The following PRKCB variants were observed in gnomAD, a reference collection of about 807,000 sequenced individuals.
The protein encoded by PRKCB is protein kinase C beta type.
In PRKCB, 13 loss-of-function variants were observed where a neutral mutation model predicts 81.5. The observed-to-expected ratio is 0.16, with a 90% CI of 0.10 to 0.25. The LOEUF (loss-of-function observed/expected upper bound fraction) is 0.25. Among genes scored for constraint, PRKCB ranks in the 10% least tolerant of loss-of-function variants. The pLI, the probability that PRKCB is intolerant of heterozygous loss-of-function variation, is 1.00. For missense variants in PRKCB, 509 were observed against 875.7 expected, an observed-to-expected ratio of 0.58 and a Z score of 5.29; for synonymous variants, 335 against 321.4, an observed-to-expected ratio of 1.04 and a Z score of -0.45.
intron 3 of PRKCB, among the ~76,000 whole-genome samples, chr16:24,023,370 A>T (rs1965432078): frequency 2.0e-5 from 3 of 152,118 alleles, no homozygotes; most frequent in African/African-American, 7.2e-5. Context: ...CAGGACTGAT[A>T]CTTATTTATT....
At chr16:24,041,927 T>C in intron 5 of PRKCB, among the ~76,000 whole-genome samples, 1 of 146,580 alleles carries the variant, frequency 6.8e-6, no homozygotes, top group Non-Finnish European at 1.5e-5. Flanking sequence ...GAGGTTGCAG[T>C]GAGCTGAGAT....
chr16:23,872,384 G>A (rs1039643661), intron 2 of PRKCB, among the ~76,000 whole-genome samples: 4 of 152,106 alleles, frequency 2.6e-5, no homozygotes, highest in African/African-American at 9.7e-5. Context: ...TAGCTGGTGC[G>A]GTCGTGTGCA....
intron 3 of PRKCB, among the ~76,000 whole-genome samples, chr16:24,011,592 C>G (rs1965203615): frequency 6.6e-6 from 1 of 152,202 alleles, no homozygotes; most frequent in Non-Finnish European, 1.5e-5. Context: ...TCATAGCTCA[C>G]TGCAGCCTCC....
intron 9 of PRKCB, among the ~76,000 whole-genome samples, chr16:24,126,689 C>T (rs751914455): frequency 3.3e-5 from 5 of 151,404 alleles, no homozygotes; most frequent in Admixed American, 6.6e-5. Flanking sequence ...GCCTCAGTCT[C>T]GCGCTCGGCT....
intron 9 of PRKCB, among the ~76,000 whole-genome samples, chr16:24,141,102 T>C (rs1205350478): frequency 2.0e-5 from 3 of 152,252 alleles, no homozygotes; most frequent in Non-Finnish European, 4.4e-5. Flanking sequence ...GAAATCATCA[T>C]CATGGCCCTA....
intron 16 of PRKCB, among the ~76,000 whole-genome samples, chr16:24,211,287 AT>A (rs1277670656): frequency 4.6e-5 from 7 of 152,202 alleles, no homozygotes; most frequent in African/African-American, 1.7e-4. Context: ...CAAATGCCCT[AT>A]TATAGGAAAC....
rs140634634 is a variant in PRKCB, at chr16:24,131,597, G to A, written c.1065+7616G>A. On this transcript the variant is annotated intron_variant, in intron 9 of 16. Coordinates refer to ENST00000643927, the MANE Select transcript of PRKCB (RefSeq NM_002738.7). ...TTGCCATTACATGCCTCCTTTATTC[G>A]ATCATATTTTTCTTTAAAGTGACTT... is the stretch of plus-strand genomic sequence containing the variant. 2.1e-4 allele frequency among the ~76,000 whole-genome samples: 32 copies of A among 152,126 alleles called. No individual in the cohort carries two copies. In the East Asian group the frequency reaches 5.2e-3, roughly 25 times the overall value.
chr16:23,880,424 C>T (rs745542043), intron 2 of PRKCB, among the ~76,000 whole-genome samples: 1 of 152,014 alleles, frequency 6.6e-6, no homozygotes, highest in Non-Finnish European at 1.5e-5. Flanking sequence ...TGATTCTGCA[C>T]GTTTAATTTT....
chr16:24,209,972 C>T (rs997191342), intron 16 of PRKCB, among the ~76,000 whole-genome samples: 5 of 151,954 alleles, frequency 3.3e-5, no homozygotes, highest in Non-Finnish European at 1.5e-5. Context: ...AAAAATTAGT[C>T]CTGCGTGGTG....
chr16:23,911,109 A>G (rs889920080), intron 2 of PRKCB, among the ~76,000 whole-genome samples: 1 of 125,582 alleles, frequency 8.0e-6, no homozygotes, highest in African/African-American at 2.9e-5. Context: ...TGTTATAAAT[A>G]GCCATAAACG....
At chr16:23,837,502 T>A in intron 2 of PRKCB, 96 bp downstream of exon 2, 1 of 1,459,002 alleles carries the variant, frequency 6.9e-7, no homozygotes, top group Non-Finnish European at 9.4e-7. Context: ...AGTGAAAGAA[T>A]CACGTTGGTC....
intron 6 of PRKCB, among the ~76,000 whole-genome samples, chr16:24,093,724 CT>C (rs1375559461): frequency 6.6e-6 from 1 of 152,162 alleles, no homozygotes; most frequent in Non-Finnish European, 1.5e-5. Flanking sequence ...CCTTCTCAGC[CT>C]CAGTCAAGGA....
At chr16:23,838,427 C>T (rs1364118667) in intron 2 of PRKCB, among the ~76,000 whole-genome samples, 2 of 152,176 alleles carry the variant, frequency 1.3e-5, no homozygotes, top group Non-Finnish European at 2.9e-5. Context: ...TGCAACCTCT[C>T]ATCTGGAAAG....
chr16:24,103,073 A>G (rs1251195822), intron 7 of PRKCB, among the ~76,000 whole-genome samples: 1 of 152,186 alleles, frequency 6.6e-6, no homozygotes, highest in African/African-American at 2.4e-5. Flanking sequence ...AGGTTTCACC[A>G]TGTTGGCCAG....
intron 5 of PRKCB, among the ~76,000 whole-genome samples, chr16:24,080,500 G>A (rs889217393): frequency 6.6e-6 from 1 of 152,136 alleles, no homozygotes; most frequent in African/African-American, 2.4e-5. Context: ...AAGACAGGGA[G>A]GAGACATGGT....
At chr16:24,158,912 C>T (rs942959098) in intron 10 of PRKCB, among the ~76,000 whole-genome samples, 3 of 152,176 alleles carry the variant, frequency 2.0e-5, no homozygotes, top group East Asian at 1.9e-4. Flanking sequence ...CCTCTTACCT[C>T]GGCCTCCCAA....
chr16:23,896,373 C>T (rs1290001310), intron 2 of PRKCB, among the ~76,000 whole-genome samples: 1 of 152,060 alleles, frequency 6.6e-6, no homozygotes, highest in African/African-American at 2.4e-5. Flanking sequence ...TTATTGAAAA[C>T]ATACTGTATG....
intron 2 of PRKCB, among the ~76,000 whole-genome samples, chr16:23,881,996 T>TTCTTTCTTTCTTTCTTTCTTTCTTTC: frequency 1.6e-5 from 1 of 63,068 alleles, no homozygotes; most frequent in Middle Eastern, 5.7e-3. Context: ...CTTTCTTTCT[T>TTCTTTCTTTCTTTCTTTCTTTCTTTC]TCTTTCTTTC....
intron 16 of PRKCB, among the ~76,000 whole-genome samples, chr16:24,202,448 T>A (rs1967973345): frequency 6.6e-6 from 1 of 152,206 alleles, no homozygotes; most frequent in African/African-American, 2.4e-5. Context: ...TCATCTTTCT[T>A]GACCTCACCA....
Sources: gnomAD v4.1 joint callset for allele counts (sites outside exome capture counted in the v4.1 genomes callset) on GRCh38, gnomAD v4.1.1 for gene constraint, MANE v1.5 for transcripts, NCBI Gene and HGNC (gene_info 2026-07-23, HGNC 2026-07-21) for gene names.